The following WDR48 variants were observed in gnomAD, a reference collection of about 807,000 sequenced individuals.
WDR48 encodes the protein WD repeat-containing protein 48.
In WDR48, 22 loss-of-function variants were observed where a neutral mutation model predicts 94.0. That is an observed-to-expected ratio of 0.23 (90% confidence interval 0.17 to 0.33). The LOEUF (loss-of-function observed/expected upper bound fraction) is 0.33. Among genes scored for constraint, WDR48 ranks in the 10% least tolerant of loss-of-function variants. The pLI, the probability that WDR48 is intolerant of heterozygous loss-of-function variation, is 1.00. For synonymous variants in WDR48, 278 were observed against 280.5 expected, an observed-to-expected ratio of 0.99 and a Z score of 0.09; for missense variants, 541 against 813.8, an observed-to-expected ratio of 0.66 and a Z score of 4.08.
Position 39,076,608 on chromosome 3 carries a change from G to A in WDR48, c.898-531G>A, listed in dbSNP as rs778750628. ...TAGTGGATGAATGTAGAGTGATTCCGCTTGTGTAATATATACATGCACATA... is the reference window on the plus strand; with the variant it reads ...TAGTGGATGAATGTAGAGTGATTCCACTTGTGTAATATATACATGCACATA... On this transcript the variant is annotated intron_variant, in intron 8 of 18. Transcript: ENST00000302313. 2.0e-4 allele frequency among the ~76,000 whole-genome samples: 30 copies of A among 152,310 alleles called. No homozygotes were observed. In the Middle Eastern group the frequency reaches 0.014, roughly 69 times the overall value.
At position 39,094,973 on chromosome 3, in the gene WDR48, C is replaced by G; in HGVS notation, c.*230C>G. 3.5e-6 allele frequency: 2 copies of G among 572,850 alleles called. No individual in the cohort carries two copies. Among genetic ancestry groups the G allele is most frequent in the South Asian group, 4.7e-5 (2 of 42,888 alleles). 35.5% of individuals were successfully genotyped at this position (572,850 alleles called of 1,614,324 possible). On this transcript the variant is annotated 3_prime_UTR_variant, in exon 19 of 19. Transcript: ENST00000302313. ...AAGCAGAGTGCAAGAGCAGAAGAGC[C>G]CCAAGCAGACTATGTCTTTCAAGAT... is the stretch of plus-strand genomic sequence containing the variant.
chr3:39,082,783 C>CTT (rs1559620412), intron 11 of WDR48, among the ~76,000 whole-genome samples: 6 of 152,108 alleles, frequency 3.9e-5, no homozygotes, highest in African/African-American at 1.4e-4. Flanking sequence ...GTTTGGTGGG[C>CTT]AGACAGCTGT....
intron 1 of WDR48, among the ~76,000 whole-genome samples, chr3:39,053,773 C>T (rs2032656572): frequency 6.6e-6 from 1 of 152,112 alleles, no homozygotes; most frequent in African/African-American, 2.4e-5. Context: ...GGCAATTGTA[C>T]TAGTATGGGA....
chr3:39,065,942 A>G (rs1325874058), intron 3 of WDR48, 53 bp downstream of exon 3: 2 of 1,376,516 alleles, frequency 1.5e-6, no homozygotes, highest in African/African-American at 1.5e-5. Context: ...TTTGTTTTTT[A>G]TATAAGCTTT....
Position 39,089,327 on chromosome 3 carries a change from C to T in WDR48, c.1668+9C>T. 2 of 1,608,764 alleles carry T rather than the reference C, an allele frequency of 1.2e-6. No individual in the cohort carries two copies. On this transcript the variant is annotated intron_variant, in intron 16 of 18. Coordinates refer to ENST00000302313, the MANE Select transcript of WDR48 (RefSeq NM_020839.4). ...TTGACATCACTGTGGATGTAAGTAT[C>T]CTCCACTCCCACTTTGCTCTTTTAT...
chr3:39,084,505 AT>A, intron 12 of WDR48, 139 bp from the exon 13 acceptor site: 1 of 670,692 alleles, frequency 1.5e-6, no homozygotes, highest in Non-Finnish European at 2.3e-6. Context: ...GTGTTGTTGC[AT>A]TGAATCACAC....
chr3:39,065,973 G>T, intron 3 of WDR48, 84 bp downstream of exon 3: 1 of 972,440 alleles, frequency 1.0e-6, no homozygotes, highest in South Asian at 1.9e-5. Context: ...CATACATACA[G>T]AAAAGTACAC....
chr3:39,088,220 C>T lies in WDR48; in HGVS notation c.1567C>T (p.Arg523Cys). ...TPVIFGEAGG[R>C]TLFRLLCRDS... is the part of the protein sequence containing the mutation. ...CGTGATCTTTGGTGAAGCTGGAGGT[C>T]GCACACTGTTCAGGTATGGGTAAGA... The change falls in exon 15 of 19, where the codon CGC becomes TGC. Residue 523 changes from arginine to cysteine, a missense_variant. Transcript: ENST00000302313. The T allele has an allele frequency of 6.2e-7, 1 of 1,614,102 alleles. No homozygotes were observed. The highest frequency in any genetic ancestry group is 8.5e-7 in the Non-Finnish European group (1 of 1,180,014).
intron 16 of WDR48, 112 bp from the exon 17 acceptor site, chr3:39,091,513 C>A: frequency 2.4e-6 from 2 of 829,702 alleles, no homozygotes; most frequent in Non-Finnish European, 3.6e-6. Context: ...CATAGAAAGT[C>A]ACTTTTAATT....
intron 17 of WDR48, 102 bp downstream of exon 17, chr3:39,091,803 C>T: frequency 2.0e-6 from 2 of 1,002,034 alleles, no homozygotes; most frequent in Non-Finnish European, 2.8e-6. Context: ...AGATCTAAGG[C>T]TGATTTTATA....
chr3:39,068,885 T>TAA (rs34070325), intron 6 of WDR48, 26 bp downstream of exon 6: 373 of 1,343,476 alleles, frequency 2.8e-4, no homozygotes, highest in Middle Eastern at 4.2e-4. Flanking sequence ...TTTCTTTATT[T>TAA]AAAAAAAAAA....
At chr3:39,065,648 C>T in intron 2 of WDR48, 163 bp from the exon 3 acceptor site, 1 of 463,202 alleles carries the variant, frequency 2.2e-6, no homozygotes, top group Non-Finnish European at 3.8e-6. Flanking sequence ...CATCTGTTAT[C>T]TGGAAGCATC....
intron 18 of WDR48, chr3:39,094,389 A>C: frequency 6.8e-7 from 1 of 1,477,538 alleles, no homozygotes; most frequent in Non-Finnish European, 8.9e-7. Flanking sequence ...TGTTTTTTAA[A>C]TCAAGATGCA....
In WDR48 at chr3:39,078,761, G is replaced by C. The variant is rs530370505; in HGVS notation, c.1075+522G>C. On this transcript the variant is annotated intron_variant, in intron 10 of 18. Transcript: ENST00000302313. ...AAAATGCTGTTAATGGGCCGGGCGC[G>C]GTGGCTCGCCTGTAATCCCAGCACT... 4.1e-3 allele frequency among the ~76,000 whole-genome samples: 3 copies of C among 724 alleles called. No homozygotes were observed. In the Non-Finnish European group the frequency reaches 0.06, roughly 14 times the overall value. The allele number at this position is 724 out of a possible 152,430, so 0.5% of individuals were successfully genotyped here. A position where few individuals can be genotyped will look rare whatever the true frequency, so the allele number is the denominator to read the frequency against.
intron 7 of WDR48, among the ~76,000 whole-genome samples, chr3:39,073,268 G>A (rs1027084703): frequency 1.3e-5 from 2 of 152,134 alleles, no homozygotes; most frequent in African/African-American, 4.8e-5. Flanking sequence ...TGCTCCTGAC[G>A]TTTGCTTTAT....
In WDR48 at chr3:39,094,911, A is replaced by C. The variant is rs2035267159; in HGVS notation, c.*168A>C. The C allele has an allele frequency of 3.4e-6, 3 of 887,962 alleles. No individual in the cohort carries two copies. The highest frequency in any genetic ancestry group is 5.1e-6 in the Non-Finnish European group (3 of 593,218). The allele number at this position is 887,962 out of a possible 1,614,324, so 55.0% of individuals were successfully genotyped here. On this transcript the variant is annotated 3_prime_UTR_variant, in exon 19 of 19. Coordinates refer to ENST00000302313, the MANE Select transcript of WDR48 (RefSeq NM_020839.4). ...GTGACTAATCGAGATGTAATATAGA[A>C]ACCAGTCTCCATGTGTAGATTAAGC...
At chr3:39,056,439 T>G (rs2032893610) in intron 1 of WDR48, among the ~76,000 whole-genome samples, 1 of 152,168 alleles carries the variant, frequency 6.6e-6, no homozygotes, top group Admixed American at 6.5e-5. Flanking sequence ...GCCGCAAATT[T>G]CTAGATCGAA....
chr3:39,072,352 G>A (rs1031352189), intron 7 of WDR48, among the ~76,000 whole-genome samples: 2 of 152,162 alleles, frequency 1.3e-5, no homozygotes, highest in Admixed American at 6.5e-5. Flanking sequence ...AGTCAGTCAT[G>A]TCCTTGTATG....
At chr3:39,059,936 C>T (rs1038392884) in intron 1 of WDR48, among the ~76,000 whole-genome samples, 1 of 151,326 alleles carries the variant, frequency 6.6e-6, no homozygotes, top group Non-Finnish European at 1.5e-5. Flanking sequence ...TGTAACTGTC[C>T]CTCTTTCTGT....
Sources: allele counts gnomAD v4.1 joint callset (sites outside exome capture counted in the v4.1 genomes callset), GRCh38; gene constraint gnomAD v4.1.1; transcripts MANE v1.5; gene names NCBI Gene and HGNC (gene_info 2026-07-23, HGNC 2026-07-21).